Variants in NBEA observed in about 807,000 individuals in gnomAD.
NBEA encodes lysosomal-trafficking regulator 2.
Under a neutral mutation model 343.4 loss-of-function variants are expected in NBEA, and 44 were observed. That is an observed-to-expected ratio of 0.13 (90% CI 0.10 to 0.16). NBEA has a LOEUF of 0.16. Among genes scored for constraint, NBEA ranks in the 10% least tolerant of loss-of-function variants. The pLI is 1.00. For missense variants in NBEA, 2,555 were observed against 3,631.3 expected (o/e 0.70, Z 7.62); for synonymous variants, 1,175 against 1,238.7 (o/e 0.95, Z 1.08).
intron 10 of NBEA, among the ~76,000 whole-genome samples, chr13:35,080,626 T>G (rs548453348): frequency 6.6e-6 from 1 of 152,236 alleles, no homozygotes; most frequent in African/African-American, 2.4e-5. Context: ...GCAGTTTGGG[T>G]ATTTGGTATG....
intron 38 of NBEA, among the ~76,000 whole-genome samples, chr13:35,377,944 G>T (rs775552990): frequency 2.0e-5 from 3 of 152,022 alleles, no homozygotes; most frequent in African/African-American, 7.2e-5. Flanking sequence ...TTATTATTTT[G>T]ATCTTTATGA....
chr13:35,178,531 A>C (rs895142673), intron 28 of NBEA, among the ~76,000 whole-genome samples: 5 of 151,686 alleles, frequency 3.3e-5, no homozygotes, highest in Non-Finnish European at 7.4e-5. Context: ...TTACATTAAC[A>C]AGTATTACAT....
At chr13:35,173,218 G>A (rs2070608266) in intron 26 of NBEA, among the ~76,000 whole-genome samples, 1 of 152,036 alleles carries the variant, frequency 6.6e-6, no homozygotes. Flanking sequence ...CTCTGGTAAT[G>A]TTTTATTTCT....
At chr13:35,475,486 A>G (rs1248991678) in intron 41 of NBEA, 3 of 1,612,148 alleles carry the variant, frequency 1.9e-6, no homozygotes, top group Non-Finnish European at 2.5e-6. Context: ...CTTGCCGGCC[A>G]AGGAGTGGCA....
chr13:34,968,153 C>G (rs777339993), intron 1 of NBEA, among the ~76,000 whole-genome samples: 6 of 152,136 alleles, frequency 3.9e-5, no homozygotes, highest in Non-Finnish European at 8.8e-5. Flanking sequence ...AAGGAAGGCA[C>G]TGAGAGGGAG....
At chr13:35,393,061 T>A (rs1236694302) in intron 38 of NBEA, among the ~76,000 whole-genome samples, 1 of 151,980 alleles carries the variant, frequency 6.6e-6, no homozygotes, top group Admixed American at 6.6e-5. Context: ...GAAGCTGTTT[T>A]TTTACAACCT....
chr13:35,649,733 A>T lies in NBEA; in HGVS notation c.7849A>T (p.Asn2617Tyr). Residue 2617 changes from asparagine to tyrosine, a missense_variant, in exon 52 of 59, where the codon AAT (asparagine) becomes TAT (tyrosine). Physicochemically the swap from Asn to Tyr is moderately radical, Grantham distance 143. Around this residue, in one of 21 missense-constraint regions of NBEA, gnomAD observed 61 missense variants for 132.1 expected, o/e 0.46. Transcript: ENST00000379939. ...GATAATGGTGCTGAAGTTTCCTTCA[A>T]ATTCTCCAGTAACCCATGTGGCAGC... The part of the protein sequence containing the change: ...DVIMVLKFPS[N>Y]SPVTHVAANT... 6.2e-7 allele frequency: 1 copy of T among 1,614,018 alleles called. No individual in the cohort carries two copies. Among genetic ancestry groups the T allele is most frequent in the Non-Finnish European group, 8.5e-7 (1 of 1,179,872 alleles).
chr13:34,942,781 C>G lies in NBEA; in HGVS notation c.-40C>G. 7.7e-7 allele frequency: 1 copy of G among 1,304,828 alleles called. No individual in the cohort carries two copies. The highest frequency in any genetic ancestry group is 9.7e-7 in the Non-Finnish European group (1 of 1,026,632). The allele number at this position is 1,304,828 out of a possible 1,614,324, so 80.8% of individuals were successfully genotyped here. A position where few individuals can be genotyped will look rare whatever the true frequency, so the allele number is the denominator to read the frequency against. ...GCAGGTATAACGGTACCGGCGGCGG[C>G]AGCGCCGCTGCTCTTCCCTTCTCCT... On this transcript the variant is annotated 5_prime_UTR_variant, in exon 1 of 59. Coordinates refer to ENST00000379939, the MANE Select transcript of NBEA (RefSeq NM_001385012.1).
chr13:34,945,395 G>A lies in NBEA; in HGVS notation c.294+2281G>A, dbSNP rs141082406. On this transcript the variant is annotated intron_variant, in intron 1 of 58. Transcript: ENST00000379939. The stretch of plus-strand genomic sequence containing the variant: ...TATTGTCCAATACACTCATGAAAAT[G>A]TCATATGAAAATTTAAGTGGATTCT... Among the ~76,000 whole-genome samples the A allele has an allele frequency of 3.0e-4, 46 of 152,132 alleles. No individual in the cohort carries two copies. The East Asian group carries it at 8.9e-3, about 29-fold the overall frequency.
At chr13:35,316,240 T>A (rs981351393) in intron 36 of NBEA, among the ~76,000 whole-genome samples, 1 of 152,148 alleles carries the variant, frequency 6.6e-6, no homozygotes. Flanking sequence ...GTATTTCTCC[T>A]AATGCTATCC....
At chr13:35,059,742 T>TCA (rs2063397446) in intron 8 of NBEA, among the ~76,000 whole-genome samples, 1 of 115,166 alleles carries the variant, frequency 8.7e-6, no homozygotes. Context: ...TCTTTGTATG[T>TCA]CATATATATA....
intron 2 of NBEA, among the ~76,000 whole-genome samples, chr13:35,044,339 T>A (rs951617107): frequency 2.0e-5 from 3 of 152,174 alleles, no homozygotes; most frequent in Non-Finnish European, 4.4e-5. Context: ...GGGATAATAA[T>A]GGTACTTACC....
intron 39 of NBEA, among the ~76,000 whole-genome samples, chr13:35,438,752 T>A (rs937509199): frequency 2.0e-5 from 3 of 152,212 alleles, no homozygotes; most frequent in Non-Finnish European, 2.9e-5. Flanking sequence ...GGTGTCAGTG[T>A]CATATTTTAG....
At chr13:35,261,031 A>G (rs2033163001) in intron 34 of NBEA, among the ~76,000 whole-genome samples, 1 of 152,210 alleles carries the variant, frequency 6.6e-6, no homozygotes, top group Non-Finnish European at 1.5e-5. Context: ...ATACAGCAAA[A>G]TGCAAACACT....
At chr13:35,106,167 A>C (rs1593362053) in intron 11 of NBEA, among the ~76,000 whole-genome samples, 1 of 152,016 alleles carries the variant, frequency 6.6e-6, no homozygotes, top group Non-Finnish European at 1.5e-5. Flanking sequence ...CAAATTCCAG[A>C]GCTTACATTT....
chr13:35,617,719 A>AT lies in NBEA; in HGVS notation c.7450-10362_7450-10361insT, dbSNP rs199577314. Among the ~76,000 whole-genome samples, 437 of 152,254 alleles carry AT rather than the reference A, an allele frequency of 2.9e-3. 4 individuals carry two copies. The highest frequency in any genetic ancestry group is 0.016 in the East Asian group (81 of 5,174). On this transcript the variant is annotated intron_variant, in intron 48 of 58. Coordinates refer to ENST00000379939, the MANE Select transcript of NBEA (RefSeq NM_001385012.1). The stretch of plus-strand genomic sequence containing the variant: ...TTTTCCTTCATAGCACCTTTTTCAT[A>AT]GTTTCTGTTGCTCCAACTCCTGGTC...
At chr13:35,669,785 C>T (rs1348599199) in intron 58 of NBEA, among the ~76,000 whole-genome samples, 1 of 152,000 alleles carries the variant, frequency 6.6e-6, no homozygotes, top group African/African-American at 2.4e-5. Flanking sequence ...AGAAACTGAC[C>T]CCAGAGAGCT....
chr13:35,030,397 A>G (rs548948749), intron 1 of NBEA, among the ~76,000 whole-genome samples: 1 of 149,584 alleles, frequency 6.7e-6, no homozygotes, highest in South Asian at 2.1e-4. Flanking sequence ...TTCTTTCTTA[A>G]ATCTACACCT....
intron 45 of NBEA, among the ~76,000 whole-genome samples, chr13:35,572,995 A>G (rs1252899913): frequency 6.6e-6 from 1 of 152,214 alleles, no homozygotes; most frequent in East Asian, 1.9e-4. Flanking sequence ...ATGATACAAA[A>G]CTAAAAGATA....
Sources: gnomAD v4.1 joint callset for allele counts (sites outside exome capture counted in the v4.1 genomes callset) on GRCh38, gnomAD v4.1.1 for gene constraint, gnomAD v4.1.1 regional missense constraint, MANE v1.5 for transcripts, NCBI Gene and HGNC (gene_info 2026-07-23, HGNC 2026-07-21) for gene names.